KIF13A: variants seen among roughly 807,000 people sequenced by gnomAD.
KIF13A encodes kinesin family member 13A.
KIF13A carries 79 observed loss-of-function variants against 212.2 expected under a neutral mutation model. That is an observed-to-expected ratio of 0.37 (90% CI 0.31 to 0.45). The LOEUF (loss-of-function observed/expected upper bound fraction) is 0.45, where lower values mean the gene tolerates loss of function less well. Among genes scored for constraint, KIF13A ranks in the 20% least tolerant of loss-of-function variants. The pLI, the probability that KIF13A is intolerant of heterozygous loss-of-function variation, is 1.00. For synonymous variants in KIF13A, 789 were observed against 808.6 expected (o/e 0.98, Z 0.41); for missense variants, 1,901 against 2,209.0 (o/e 0.86, Z 2.79).
At chr6:17,976,183 C>T (rs1333876676) in intron 2 of KIF13A, among the ~76,000 whole-genome samples, 2 of 152,374 alleles carry the variant, frequency 1.3e-5, no homozygotes, top group Admixed American at 6.5e-5. Flanking sequence ...CACTCTCACG[C>T]CGGCACTCCT....
At chr6:17,822,948 TAACACTC>T (rs1764594061) in intron 16 of KIF13A, among the ~76,000 whole-genome samples, 1 of 152,246 alleles carries the variant, frequency 6.6e-6, no homozygotes, top group Non-Finnish European at 1.5e-5. Context: ...TGGCTAATCT[TAACACTC>T]TACTCTTACT....
chr6:17,975,506 C>CA (rs1780307864), intron 2 of KIF13A, among the ~76,000 whole-genome samples: 2 of 151,734 alleles, frequency 1.3e-5, no homozygotes, highest in African/African-American at 2.4e-5. Context: ...AATGTAGGCC[C>CA]AAAAAGGGAG....
chr6:17,823,917 C>CT (rs60400987), intron 16 of KIF13A, among the ~76,000 whole-genome samples: 2,146 of 137,988 alleles, frequency 0.016, 60 homozygotes, highest in African/African-American at 0.051. Flanking sequence ...ATTTAAATTT[C>CT]TTTTTTTTTT....
At chr6:17,916,982 CCATTACTATTGCAAT>C (rs1228722362) in intron 2 of KIF13A, among the ~76,000 whole-genome samples, 1 of 151,550 alleles carries the variant, frequency 6.6e-6, no homozygotes, top group Non-Finnish European at 1.5e-5. Flanking sequence ...AATAAAGCCA[CCATTACTATTGCAAT>C]ACTTGAATGG....
chr6:17,885,504 A>G (rs1366799849), intron 3 of KIF13A, among the ~76,000 whole-genome samples: 1 of 152,252 alleles, frequency 6.6e-6, no homozygotes, highest in African/African-American at 2.4e-5. Context: ...CAAAGCCAAC[A>G]GCATTTGCTG....
At chr6:17,781,341 G>C in intron 29 of KIF13A, 40 bp from the exon 30 acceptor site, 1 of 1,512,850 alleles carries the variant, frequency 6.6e-7, no homozygotes, top group Non-Finnish European at 8.8e-7. Context: ...GTAGGGGAAA[G>C]TCAGTTTTTA....
chr6:17,924,037 T>C (rs1257595583), intron 2 of KIF13A, among the ~76,000 whole-genome samples: 3 of 152,176 alleles, frequency 2.0e-5, no homozygotes, highest in African/African-American at 7.2e-5. Flanking sequence ...ATGACTCTCA[T>C]ATAACATGTT....
chr6:17,804,350 C>A lies in KIF13A; in HGVS notation c.2454+11G>T. The A allele has an allele frequency of 6.6e-7, 1 of 1,518,242 alleles. No homozygotes were observed. The highest frequency in any genetic ancestry group is 8.9e-7 in the Non-Finnish European group (1 of 1,127,732). The allele number at this position is 1,518,242 out of a possible 1,614,324, so 94.0% of individuals were successfully genotyped here. On this transcript the variant is annotated intron_variant, in intron 20 of 38. Coordinates refer to ENST00000259711, the MANE Select transcript of KIF13A (RefSeq NM_022113.6). ...AACCACCATCGTTCTCCAAGGCTGG[C>A]CTGTGCTTACCTCCCCCTGCTGGCT... is the stretch of plus-strand genomic sequence containing the variant.
intron 2 of KIF13A, among the ~76,000 whole-genome samples, chr6:17,938,432 G>A (rs961856406): frequency 1.3e-5 from 2 of 152,148 alleles, no homozygotes; most frequent in African/African-American, 4.8e-5. Flanking sequence ...CCTGGCAGAA[G>A]AAATCATGAA....
In KIF13A at chr6:17,961,651, A is replaced by G. The variant is rs1778824219; in HGVS notation, c.146+25403T>C. 6.6e-6 allele frequency among the ~76,000 whole-genome samples: 1 copy of G among 152,196 alleles called. No homozygotes were observed. Among genetic ancestry groups the G allele is most frequent in the Non-Finnish European group, 1.5e-5 (1 of 68,036 alleles). On this transcript the variant is annotated intron_variant, in intron 2 of 38. Coordinates refer to ENST00000259711, the MANE Select transcript of KIF13A (RefSeq NM_022113.6). This position sits in a 1 kb window ranked among gnomAD's most constrained non-coding sequence, Gnocchi z 4.1. ...CCAGGGCTTAGTAAATAGAATAGCT[A>G]TGTTCTTTTTGAGCAACTAGCTTGT... is the stretch of plus-strand genomic sequence containing the variant.
In KIF13A at chr6:17,828,214, G is replaced by T. The variant is rs770742188; in HGVS notation, c.1532+26C>A. 1 of 1,604,684 alleles carries T rather than the reference G, an allele frequency of 6.2e-7. No homozygotes were observed. The highest frequency in any genetic ancestry group is 1.7e-5 in the Admixed American group (1 of 58,774). ...TCTGAAAATAAGGCACACAAGACAC[G>T]TGAAGTCACCATTTACTTTTCTTAC... is the stretch of plus-strand genomic sequence containing the variant. On this transcript the variant is annotated intron_variant, in intron 14 of 38. Transcript: ENST00000259711. The surrounding 1 kb of genome is among the most constrained non-coding windows in gnomAD (Gnocchi z 4.3).
chr6:17,940,723 G>A (rs1457214790), intron 2 of KIF13A, among the ~76,000 whole-genome samples: 1 of 152,012 alleles, frequency 6.6e-6, no homozygotes, highest in Non-Finnish European at 1.5e-5. Flanking sequence ...TGCATTTCAA[G>A]TGTTACACAT....
rs1770016413 is a variant in KIF13A, at chr6:17,871,581, C to T, written c.220+1796G>A. Among the ~76,000 whole-genome samples the T allele has an allele frequency of 6.6e-6, 1 of 152,104 alleles. No individual in the cohort carries two copies. The highest frequency in any genetic ancestry group is 6.5e-5 in the Admixed American group (1 of 15,268). ...AAAAAATTATTGTGAGACTTTCTGG[C>T]TTCCTGAGTTATATGAGAGGAACCA... On this transcript the variant is annotated intron_variant, in intron 4 of 38. Coordinates refer to ENST00000259711, the MANE Select transcript of KIF13A (RefSeq NM_022113.6). This position sits in a 1 kb window ranked among gnomAD's most constrained non-coding sequence, Gnocchi z 4.4.
At chr6:17,953,864 T>C (rs1778102445) in intron 2 of KIF13A, 1 of 188,510 alleles carries the variant, frequency 5.3e-6, no homozygotes, top group Admixed American at 5.0e-5. Context: ...GTTGCAATTG[T>C]GCAGTTGTGC....
rs1772959877 is a variant in KIF13A at position 17,900,567 on chromosome 6, C to T, written c.147-2387G>A. 6.6e-6 allele frequency among the ~76,000 whole-genome samples: 1 copy of T among 152,200 alleles called. No individual in the cohort carries two copies. The highest frequency in any genetic ancestry group is 1.5e-5 in the Non-Finnish European group (1 of 68,048). On this transcript the variant is annotated intron_variant, in intron 2 of 38. Transcript: ENST00000259711. The surrounding 1 kb of genome is among the most constrained non-coding windows in gnomAD (Gnocchi z 4.6). ...AAAGGGAAGCCACAAAGCTCATCTG[C>T]TGCTACCCAAACTTACTCATCATTC...
At chr6:17,937,772 C>T (rs1182741350) in intron 2 of KIF13A, among the ~76,000 whole-genome samples, 1 of 145,040 alleles carries the variant, frequency 6.9e-6, no homozygotes, top group East Asian at 2.0e-4. Context: ...TTTTTTGAGA[C>T]GGAGTCTCGC....
At chr6:17,921,176 C>T (rs1775037865) in intron 2 of KIF13A, among the ~76,000 whole-genome samples, 2 of 152,136 alleles carry the variant, frequency 1.3e-5, no homozygotes, top group South Asian at 4.1e-4. Context: ...TTTTTTAATG[C>T]CTGCCTCTAT....
rs964011439 is a variant in KIF13A at position 17,899,596 on chromosome 6, T to C, written c.147-1416A>G. Among the ~76,000 whole-genome samples the C allele has an allele frequency of 2.0e-5, 3 of 152,182 alleles. No homozygotes were observed. The highest frequency in any genetic ancestry group is 4.4e-5 in the Non-Finnish European group (3 of 68,024). ...AAGAAAAATCATCCCATTCCTATAA[T>C]GATGAAGTTGAAACACCATTTTCTT... is the stretch of plus-strand genomic sequence containing the variant. On this transcript the variant is annotated intron_variant, in intron 2 of 38. Transcript: ENST00000259711. The surrounding 1 kb of genome is among the most constrained non-coding windows in gnomAD (Gnocchi z 5.2).
At position 17,919,120 on chromosome 6, in the gene KIF13A, A is replaced by G. The variant is rs899607612; in HGVS notation, c.147-20940T>C. Among the ~76,000 whole-genome samples the G allele has an allele frequency of 2.0e-5, 3 of 152,200 alleles. No individual in the cohort carries two copies. The highest frequency in any genetic ancestry group is 6.5e-5 in the Admixed American group (1 of 15,282). ...GAAAATGGTGATGTTTCCCTGAATA[A>G]CTCCACTCTTTGGATTGAAGACCAA... On this transcript the variant is annotated intron_variant, in intron 2 of 38. Coordinates refer to ENST00000259711, the MANE Select transcript of KIF13A (RefSeq NM_022113.6). The surrounding 1 kb of genome is among the most constrained non-coding windows in gnomAD (Gnocchi z 4.1).
Sources: allele counts gnomAD v4.1 joint callset (sites outside exome capture counted in the v4.1 genomes callset), GRCh38; gene constraint gnomAD v4.1.1; non-coding constraint Gnocchi (gnomAD v3.1); transcripts MANE v1.5; gene names NCBI Gene and HGNC (gene_info 2026-07-23, HGNC 2026-07-21).